ANKRD6: variants seen among roughly 807,000 people sequenced by gnomAD.
ANKRD6 encodes ankyrin repeat domain 6.
A neutral mutation model predicts 82.3 loss-of-function variants in ANKRD6; 56 were observed. The observed-to-expected ratio is 0.68, with a 90% CI of 0.55 to 0.85. ANKRD6 has a LOEUF of 0.85. ANKRD6 is among the 40% of genes least tolerant of loss of function. The pLI, the probability that ANKRD6 is intolerant of heterozygous loss-of-function variation, is 0.00. For missense variants in ANKRD6, 852 were observed against 907.6 expected (o/e 0.94, Z 0.79); for synonymous variants, 347 against 352.1 (o/e 0.99, Z 0.16).
At position 89,574,681 on chromosome 6, in the gene ANKRD6, TC is replaced by T. The variant is rs548727531; in HGVS notation, c.120+7589del. Among the ~76,000 whole-genome samples the T allele has an allele frequency of 7.3e-3, 1,113 of 152,264 alleles. 6 individuals are homozygous for T. The highest frequency in any genetic ancestry group is 0.017 in the South Asian group (80 of 4,832). ...ATTTTAAACCTCACCATGGCTATTA[TC>T]CCCATTTTACAGATGAGGAAACTGA... On this transcript the variant is annotated intron_variant, in intron 2 of 15. Coordinates refer to ENST00000339746, the MANE Select transcript of ANKRD6 (RefSeq NM_001242809.2).
At chr6:89,545,209 T>C (rs1201259113) in intron 1 of ANKRD6, among the ~76,000 whole-genome samples, 5 of 97,760 alleles carry the variant, frequency 5.1e-5, no homozygotes, top group Admixed American at 1.0e-4. Context: ...CCAGACTCCA[T>C]CTCAAAAAAA....
intron 2 of ANKRD6, among the ~76,000 whole-genome samples, chr6:89,571,716 A>G (rs746314322): frequency 1.3e-5 from 2 of 152,152 alleles, no homozygotes; most frequent in Non-Finnish European, 2.9e-5. Context: ...CCCATTATCA[A>G]CATCCGCCAC....
intron 3 of ANKRD6, chr6:89,601,664 G>A (rs1200539559): frequency 2.0e-5 from 3 of 152,098 alleles, no homozygotes; most frequent in Non-Finnish European, 4.4e-5. Flanking sequence ...TTTACTGTCT[G>A]AACATATTTA....
rs181633559 is a variant in ANKRD6 at position 89,477,757 on chromosome 6, C to T, written c.-144+44382C>T. ...CTGCACTCCACCCTGGGCGACAGAG[C>T]GAGACTCCGTCTCAAAAAAAAAAAA... is the stretch of plus-strand genomic sequence containing the variant. On this transcript the variant is annotated intron_variant, in intron 1 of 15. Coordinates refer to ENST00000339746, the MANE Select transcript of ANKRD6 (RefSeq NM_001242809.2). Among the ~76,000 whole-genome samples, 296 of 134,256 alleles carry T rather than the reference C, an allele frequency of 2.2e-3. 1 individual carries two copies. The highest frequency in any genetic ancestry group is 7.6e-3 in the African/African-American group (266 of 35,090). 88.1% of individuals were successfully genotyped at this position (134,256 alleles called of 152,430 possible).
intron 1 of ANKRD6, among the ~76,000 whole-genome samples, chr6:89,546,251 A>C (rs869058): frequency 0.53 from 80,066 of 151,990 alleles, 21,420 homozygotes; most frequent in South Asian, 0.72. Flanking sequence ...CTAAATTTAT[A>C]TGACTCTAAA....
intron 1 of ANKRD6, among the ~76,000 whole-genome samples, chr6:89,558,515 A>C (rs748609780): frequency 6.6e-6 from 1 of 151,356 alleles, no homozygotes; most frequent in African/African-American, 2.4e-5. Flanking sequence ...GAATTATAGA[A>C]AAAGCAAAAC....
At chr6:89,481,106 C>A (rs1582838312) in intron 1 of ANKRD6, among the ~76,000 whole-genome samples, 1 of 152,130 alleles carries the variant, frequency 6.6e-6, no homozygotes, top group East Asian at 1.9e-4. Flanking sequence ...TTTTTCCTTG[C>A]ATTTAAAAAA....
intron 2 of ANKRD6, among the ~76,000 whole-genome samples, chr6:89,593,739 C>T (rs190376039): frequency 2.6e-5 from 4 of 152,252 alleles, no homozygotes; most frequent in African/African-American, 9.6e-5. Context: ...ATGGGTGGGG[C>T]CATGGTTCAT....
intron 1 of ANKRD6, among the ~76,000 whole-genome samples, chr6:89,552,693 C>T (rs1243316383): frequency 1.3e-5 from 2 of 152,194 alleles, no homozygotes; most frequent in African/African-American, 4.8e-5. Flanking sequence ...TTATCATCTA[C>T]TCCCTTGGGA....
rs1213631579 is a variant in ANKRD6 at position 89,624,551 on chromosome 6, G to A, written c.1231G>A (p.Gly411Ser). Residue 411 changes from glycine to serine, a missense_variant, in exon 13 of 16, where the codon GGT becomes AGT. Transcript: ENST00000339746. ...GTTTCTCTCTTAGGCACCAATAAAT[G>A]GTTGTCGATGTGAACCTCTAATCAA... is the stretch of plus-strand genomic sequence containing the variant. ...DGKVMQAPIN[G>S]CRCEPLINKL... The A allele has an allele frequency of 6.4e-7, 1 of 1,552,714 alleles. No individual in the cohort carries two copies. The highest frequency in any genetic ancestry group is 2.0e-5 in the Admixed American group (1 of 51,028).
intron 2 of ANKRD6, among the ~76,000 whole-genome samples, chr6:89,581,348 C>T (rs1792481561): frequency 6.6e-6 from 1 of 152,204 alleles, no homozygotes; most frequent in Non-Finnish European, 1.5e-5. Flanking sequence ...AGCATGCATG[C>T]CCTTGCAATT....
intron 10 of ANKRD6, 37 bp downstream of exon 10, chr6:89,622,063 C>T (rs537767114): frequency 4.7e-5 from 74 of 1,590,436 alleles, no homozygotes; most frequent in Admixed American, 8.4e-5. Flanking sequence ...CACATCCACC[C>T]ATGCTCAGAG....
intron 1 of ANKRD6, among the ~76,000 whole-genome samples, chr6:89,523,365 C>T (rs1401420888): frequency 6.6e-6 from 1 of 152,158 alleles, no homozygotes; most frequent in Non-Finnish European, 1.5e-5. Context: ...TGCAAAAGAA[C>T]TAAAGATAAG....
chr6:89,589,768 C>A (rs1794505828), intron 2 of ANKRD6, among the ~76,000 whole-genome samples: 2 of 152,230 alleles, frequency 1.3e-5, no homozygotes, highest in African/African-American at 4.8e-5. Context: ...CCAGTCAGTG[C>A]CCCAGTGGTG....
In ANKRD6 at chr6:89,561,083, G is replaced by A. The variant is rs371783740; in HGVS notation, c.-143-5751G>A. On this transcript the variant is annotated intron_variant, in intron 1 of 15. Coordinates refer to ENST00000339746, the MANE Select transcript of ANKRD6 (RefSeq NM_001242809.2). ...TCTCTACCTCCCAAGCCTTCTGTCA[G>A]TCACATCTTTATTCGGTGATATGTG... 56 of 152,302 alleles carry A rather than the reference G, an allele frequency of 3.7e-4. 1 individual carries two copies. Among genetic ancestry groups the A allele is most frequent in the African/African-American group, 1.2e-3 (48 of 41,566 alleles). 9.4% of individuals were successfully genotyped at this position (152,302 alleles called of 1,614,324 possible). A position where few individuals can be genotyped will look rare whatever the true frequency, so the allele number is the denominator to read the frequency against.
intron 1 of ANKRD6, among the ~76,000 whole-genome samples, chr6:89,510,650 C>T (rs936983748): frequency 6.6e-6 from 1 of 152,118 alleles, no homozygotes; most frequent in African/African-American, 2.4e-5. Context: ...CTTTCATCAC[C>T]TCCAGAAGAA....
chr6:89,616,737 C>T, intron 8 of ANKRD6, 80 bp downstream of exon 8: 1 of 1,354,694 alleles, frequency 7.4e-7, no homozygotes, highest in Non-Finnish European at 1.1e-6. Context: ...CCCCTGCAGA[C>T]CCCCAGGCCC....
In ANKRD6 at chr6:89,623,931, C is replaced by T; in HGVS notation, c.1092C>T (p.Asn364=). ...PADQQPGHQK[N]LHAHNHPKKR... ...ACCAACAGCCTGGACACCAGAAGAA[C>T]CTGCATGCTCATAATCACCCTAAAA... Residue 364 remains asparagine (N), a synonymous_variant, in exon 12 of 16, where the codon AAC becomes AAT. Transcript: ENST00000339746. The T allele has an allele frequency of 6.2e-7, 1 of 1,613,912 alleles. No homozygotes were observed. The highest frequency in any genetic ancestry group is 8.5e-7 in the Non-Finnish European group (1 of 1,179,872).
At chr6:89,541,387 CTTT>C (rs58643589) in intron 1 of ANKRD6, among the ~76,000 whole-genome samples, 5,041 of 63,364 alleles carry the variant, frequency 0.08, 32 homozygotes, top group Middle Eastern at 0.18. Flanking sequence ...TTACGTGTGG[CTTT>C]TTTTTTTTTT....
Sources: gnomAD v4.1 joint callset for allele counts (sites outside exome capture counted in the v4.1 genomes callset) on GRCh38, gnomAD v4.1.1 for gene constraint, MANE v1.5 for transcripts, NCBI Gene and HGNC (gene_info 2026-07-23, HGNC 2026-07-21) for gene names.